The following EIPR1 variants were observed in gnomAD, a reference collection of about 807,000 sequenced individuals.
EIPR1 encodes the protein EARP complex and GARP complex interacting protein 1.
In EIPR1, 25 loss-of-function variants were observed where a neutral mutation model predicts 48.1. The ratio of observed to expected loss-of-function variants is 0.52; its 90% CI spans 0.38 to 0.73. The LOEUF is 0.73. EIPR1 is among the 30% of genes least tolerant of loss of function. The pLI, the probability that EIPR1 is intolerant of heterozygous loss-of-function variation, is 0.00. For synonymous variants in EIPR1, 204 were observed against 201.9 expected (o/e 1.01, Z -0.09); for missense variants, 415 against 506.2 (o/e 0.82, Z 1.73).
intron 3 of EIPR1, among the ~76,000 whole-genome samples, chr2:3,287,887 C>T (rs565317628): frequency 1.4e-4 from 21 of 152,230 alleles, no homozygotes; most frequent in African/African-American, 4.1e-4. Flanking sequence ...AAAGCTCATT[C>T]GGCATGCTGT....
intron 4 of EIPR1, among the ~76,000 whole-genome samples, chr2:3,255,190 CTTT>C (rs11285663): frequency 1.0e-4 from 15 of 145,218 alleles, no homozygotes; most frequent in Admixed American, 1.4e-4. Flanking sequence ...TTCTTACTTT[CTTT>C]TTTTTTTTTT....
intron 1 of EIPR1, among the ~76,000 whole-genome samples, chr2:3,368,374 C>A (rs1306477174): frequency 1.3e-5 from 2 of 152,214 alleles, no homozygotes; most frequent in Non-Finnish European, 1.5e-5. Flanking sequence ...ACCTTCCCAC[C>A]CCGACCGTCC....
At chr2:3,244,743 G>A (rs1250253371) in intron 4 of EIPR1, among the ~76,000 whole-genome samples, 1 of 152,174 alleles carries the variant, frequency 6.6e-6, no homozygotes, top group Non-Finnish European at 1.5e-5. Context: ...TTATAACAAT[G>A]AATTTCTGCT....
At chr2:3,251,607 T>C (rs201710485) in intron 4 of EIPR1, among the ~76,000 whole-genome samples, 2 of 152,048 alleles carry the variant, frequency 1.3e-5, no homozygotes, top group East Asian at 3.9e-4. Context: ...AAGTCCACCA[T>C]CTCTCCCACA....
intron 4 of EIPR1, among the ~76,000 whole-genome samples, chr2:3,248,666 T>G (rs1224193535): frequency 3.3e-5 from 5 of 152,162 alleles, no homozygotes; most frequent in African/African-American, 1.2e-4. Context: ...CTCAGGGGGC[T>G]GAGGCAGGAG....
At chr2:3,251,225 C>T (rs1046547979) in intron 4 of EIPR1, among the ~76,000 whole-genome samples, 1 of 152,140 alleles carries the variant, frequency 6.6e-6, no homozygotes, top group Non-Finnish European at 1.5e-5. Context: ...AGACTGCGGC[C>T]GTGCCCTCTG....
At chr2:3,326,387 T>C (rs541754020) in intron 3 of EIPR1, among the ~76,000 whole-genome samples, 15 of 152,166 alleles carry the variant, frequency 9.9e-5, no homozygotes, top group Non-Finnish European at 1.9e-4. Context: ...CCACCAAATC[T>C]GGTGCCCTCT....
intron 2 of EIPR1, among the ~76,000 whole-genome samples, chr2:3,346,253 T>C (rs377083031): frequency 1.4e-4 from 21 of 152,372 alleles, no homozygotes; most frequent in African/African-American, 4.3e-4. Context: ...TTTGACCCAA[T>C]GCTCGTTGAT....
intron 4 of EIPR1, among the ~76,000 whole-genome samples, chr2:3,239,751 T>C (rs1465839809): frequency 6.6e-6 from 1 of 151,988 alleles, no homozygotes; most frequent in Non-Finnish European, 1.5e-5. Context: ...GTGCAGACAC[T>C]CAGGGCATCC....
chr2:3,217,683 G>A (rs1268903223), intron 4 of EIPR1, among the ~76,000 whole-genome samples: 3 of 152,124 alleles, frequency 2.0e-5, no homozygotes, highest in African/African-American at 4.8e-5. Context: ...ACAGAGAGAG[G>A]CAGACACCAG....
In EIPR1 at chr2:3,286,997, C is replaced by T. The variant is rs1235428787; in HGVS notation, c.260-29542G>A. Among the ~76,000 whole-genome samples, 4 of 146,830 alleles carry T rather than the reference C, an allele frequency of 2.7e-5. No homozygotes were observed. The highest frequency in any genetic ancestry group is 6.0e-5 in the Non-Finnish European group (4 of 66,944). Reference sequence around the variant, plus strand: ...GGTGGGGAGCACACAGAGTGCCAGCCGGCAGAGGCGGCGGTGGGGAGCACA... The same window carrying T: ...GGTGGGGAGCACACAGAGTGCCAGCTGGCAGAGGCGGCGGTGGGGAGCACA... On this transcript the variant is annotated intron_variant, in intron 3 of 8. Transcript: ENST00000382125. The surrounding 1 kb of genome is among the most constrained non-coding windows in gnomAD (Gnocchi z 4.2).
chr2:3,256,783 G>A (rs1667169553), intron 4 of EIPR1, among the ~76,000 whole-genome samples: 1 of 152,226 alleles, frequency 6.6e-6, no homozygotes, highest in Admixed American at 6.5e-5. Context: ...CACACAGCCA[G>A]GCCTCCAAGC....
At position 3,343,980 on chromosome 2, in the gene EIPR1, G is replaced by C. The variant is rs1199130460; in HGVS notation, c.127-5831C>G. On this transcript the variant is annotated intron_variant, in intron 2 of 8. Transcript: ENST00000382125. Reference sequence around the variant, plus strand: ...ACTTTGCAGCGCTGAGGCAGGAGGAGGATGGCTTGAGCCCAGGAGGTCAAG... The same window carrying C: ...ACTTTGCAGCGCTGAGGCAGGAGGACGATGGCTTGAGCCCAGGAGGTCAAG... Among the ~76,000 whole-genome samples the C allele has an allele frequency of 1.9e-4, 29 of 152,172 alleles. 1 individual carries two copies. The highest frequency in any genetic ancestry group is 1.9e-3 in the Admixed American group (29 of 15,282).
At chr2:3,350,945 CAAAAA>C (rs11344032) in intron 2 of EIPR1, among the ~76,000 whole-genome samples, 11 of 122,362 alleles carry the variant, frequency 9.0e-5, no homozygotes, top group South Asian at 2.6e-4. Context: ...TACTTCGTTC[CAAAAA>C]AAAAAAAAAA....
intron 4 of EIPR1, among the ~76,000 whole-genome samples, chr2:3,219,256 T>C (rs1013676121): frequency 1.1e-4 from 16 of 147,606 alleles, no homozygotes. Context: ...TCACAGTGAG[T>C]CAGGTGCACA....
intron 2 of EIPR1, among the ~76,000 whole-genome samples, chr2:3,351,958 G>A (rs766697904): frequency 9.2e-5 from 14 of 152,312 alleles, no homozygotes; most frequent in East Asian, 1.9e-4. Flanking sequence ...CACCCGAAAC[G>A]TGAGTCATCC....
intron 4 of EIPR1, among the ~76,000 whole-genome samples, chr2:3,232,705 G>A (rs543065098): frequency 7.2e-5 from 11 of 152,166 alleles, no homozygotes; most frequent in Middle Eastern, 6.8e-3. Context: ...GGAGAGAGCC[G>A]GTTCCCCCAT....
intron 3 of EIPR1, chr2:3,319,743 TGCGG>T (rs1669444894): frequency 7.5e-6 from 1 of 134,132 alleles, no homozygotes; most frequent in Non-Finnish European, 1.5e-5. Flanking sequence ...ATACCACACC[TGCGG>T]GCAACACCGC....
chr2:3,235,539 C>A (rs888597967), intron 4 of EIPR1, among the ~76,000 whole-genome samples: 1 of 152,190 alleles, frequency 6.6e-6, no homozygotes, highest in Non-Finnish European at 1.5e-5. Flanking sequence ...CCTTCAGGTC[C>A]ACGCTACAGC....
Sources: gnomAD v4.1 joint callset for allele counts (sites outside exome capture counted in the v4.1 genomes callset) on GRCh38, gnomAD v4.1.1 for gene constraint, Gnocchi (gnomAD v3.1) non-coding constraint, MANE v1.5 for transcripts, NCBI Gene and HGNC (gene_info 2026-07-23, HGNC 2026-07-21) for gene names.